Variants in HYCC1 observed in about 807,000 individuals in gnomAD.
The protein encoded by HYCC1 is hyccin.
chr7:22,989,723 G>A, the HYCC1 span, among the ~76,000 whole-genome samples: 3 of 152,062 alleles, frequency 2.0e-5, no homozygotes, highest in African/African-American at 7.2e-5. Context: ...GATGACTTGG[G>A]GAATCCATAG....
At chr7:22,902,974 A>G in the HYCC1 span, among the ~76,000 whole-genome samples, 5 of 152,178 alleles carry the variant, frequency 3.3e-5, no homozygotes, top group African/African-American at 1.2e-4. Context: ...AAGGTATTCA[A>G]TAACATTAGT....
chr7:23,014,118 C>CGCCA, the HYCC1 span: 2 of 468,886 alleles, frequency 4.3e-6, no homozygotes, highest in Non-Finnish European at 8.8e-6. Flanking sequence ...CCACCACTGC[C>CGCCA]GCCAGCCTCT....
At chr7:22,960,112 A>T in the HYCC1 span, 1 of 793,428 alleles carries the variant, frequency 1.3e-6, no homozygotes, top group Non-Finnish European at 2.2e-6. Context: ...GCTCCTAGAT[A>T]ATAAATTAGG....
At chr7:22,999,796 A>AT in the HYCC1 span, among the ~76,000 whole-genome samples, 4 of 152,200 alleles carry the variant, frequency 2.6e-5, no homozygotes, top group Admixed American at 2.0e-4. Context: ...GAATAGTAAA[A>AT]TATGATCTGT....
At chr7:22,945,637 T>A in the HYCC1 span, 3 of 1,613,712 alleles carry the variant, frequency 1.9e-6, no homozygotes, top group Non-Finnish European at 2.5e-6. Context: ...TCTGCTGACC[T>A]GATTGATGCT....
At chr7:22,997,338 C>T in the HYCC1 span, among the ~76,000 whole-genome samples, 1 of 152,104 alleles carries the variant, frequency 6.6e-6, no homozygotes, top group African/African-American at 2.4e-5. Context: ...TAACGACAAA[C>T]TACTATAAAA....
At chr7:22,979,579 G>A in the HYCC1 span, among the ~76,000 whole-genome samples, 2 of 152,102 alleles carry the variant, frequency 1.3e-5, no homozygotes, top group Non-Finnish European at 2.9e-5. Flanking sequence ...CTTTCAGGGT[G>A]GAGTTTTCAA....
chr7:22,967,260 C>T, the HYCC1 span, among the ~76,000 whole-genome samples: 11 of 152,128 alleles, frequency 7.2e-5, no homozygotes, highest in Non-Finnish European at 1.5e-4. Context: ...GAATGGTAAA[C>T]TCAGGTAGAA....
At chr7:22,946,888 C>T in the HYCC1 span, 1 of 1,388,112 alleles carries the variant, frequency 7.2e-7, no homozygotes, top group Non-Finnish European at 9.7e-7. Context: ...AGATTACATG[C>T]AAAATTTTTG....
At chr7:23,004,437 G>A in the HYCC1 span, among the ~76,000 whole-genome samples, 6 of 152,152 alleles carry the variant, frequency 3.9e-5, no homozygotes, top group South Asian at 1.2e-3. Context: ...GTGACATGGA[G>A]AGCATCTGCT....
the HYCC1 span, among the ~76,000 whole-genome samples, chr7:22,984,210 C>A: frequency 3.3e-5 from 5 of 152,140 alleles, no homozygotes; most frequent in Admixed American, 2.6e-4. Flanking sequence ...TGGAAATGTG[C>A]TGGAATTAGA....
At chr7:22,955,912 CTATTTTCCTTTAACTTCTTTT>C in the HYCC1 span, among the ~76,000 whole-genome samples, 1 of 151,584 alleles carries the variant, frequency 6.6e-6, no homozygotes, top group Non-Finnish European at 1.5e-5. Context: ...AAATAACTTT[CTATTTTCCTTTAACTTCTTTT>C]TATTTTTAAA....
the HYCC1 span, among the ~76,000 whole-genome samples, chr7:22,933,276 A>T: frequency 6.6e-6 from 1 of 152,108 alleles, no homozygotes; most frequent in South Asian, 2.1e-4. Context: ...AAAATATTGA[A>T]ATCTCCAACT....
chr7:22,995,815 G>C, the HYCC1 span, among the ~76,000 whole-genome samples: 1 of 152,136 alleles, frequency 6.6e-6, no homozygotes, highest in African/African-American at 2.4e-5. Context: ...CAAAAAAAGA[G>C]AGTACGGAAA....
the HYCC1 span, chr7:22,991,092 C>T: frequency 8.7e-6 from 14 of 1,610,690 alleles, no homozygotes; most frequent in South Asian, 4.4e-5. Flanking sequence ...CTCCACAACC[C>T]CTTTCTCTGA....
the HYCC1 span, chr7:22,964,478 C>CTTAT: frequency 1.9e-6 from 3 of 1,611,200 alleles, no homozygotes; most frequent in Non-Finnish European, 2.5e-6. Flanking sequence ...TATCCTGCTA[C>CTTAT]TTATACCTTT....
chr7:22,989,277 A>T, the HYCC1 span, among the ~76,000 whole-genome samples: 1 of 141,504 alleles, frequency 7.1e-6, no homozygotes, highest in Non-Finnish European at 1.5e-5. Context: ...AAGATAACAC[A>T]AGCAGGAAAC....
chr7:22,983,485 T>A, the HYCC1 span, among the ~76,000 whole-genome samples: 1 of 152,196 alleles, frequency 6.6e-6, no homozygotes, highest in Non-Finnish European at 1.5e-5. Context: ...CCCCACTGCA[T>A]GGAATATTCT....
chr7:22,934,234 T>TTTTTTTTTTTTTTC, the HYCC1 span: 8 of 122,436 alleles, frequency 6.5e-5, no homozygotes, highest in South Asian at 2.6e-4. Flanking sequence ...TTTTTTTTTT[T>TTTTTTTTTTTTTTC]CCCTCTCTGA....
Sources: allele counts gnomAD v4.1 joint callset (sites outside exome capture counted in the v4.1 genomes callset), GRCh38; gene constraint gnomAD v4.1.1; transcripts MANE v1.5; gene names NCBI Gene and HGNC (gene_info 2026-07-23, HGNC 2026-07-21).